KIAA1217: variants seen among roughly 807,000 people sequenced by gnomAD.
KIAA1217 encodes sickle tail protein homolog.
Under a neutral mutation model 163.9 loss-of-function variants are expected in KIAA1217, and 88 were observed. The ratio of observed to expected loss-of-function variants is 0.54; its 90% CI spans 0.45 to 0.64. The LOEUF (loss-of-function observed/expected upper bound fraction) is 0.64. Ranked by LOEUF, KIAA1217 falls within the 30% of genes least tolerant of loss-of-function variation. KIAA1217 has a pLI of 0.00. For synonymous variants in KIAA1217, 903 were observed against 923.1 expected, an observed-to-expected ratio of 0.98 and a Z score of 0.39; for missense variants, 2,372 against 2,475.0, an observed-to-expected ratio of 0.96 and a Z score of 0.88.
chr10:23,878,698 C>T (rs765825307), intron 1 of KIAA1217, among the ~76,000 whole-genome samples: 4 of 151,656 alleles, frequency 2.6e-5, no homozygotes, highest in South Asian at 2.1e-4. Context: ...AATATATGGG[C>T]GATGAATGGA....
intron 2 of KIAA1217, among the ~76,000 whole-genome samples, chr10:24,308,603 A>C (rs183477236): frequency 6.6e-6 from 1 of 152,332 alleles, no homozygotes; most frequent in East Asian, 1.9e-4. Context: ...TCTTTAAAGG[A>C]ACAAAGCCAT....
chr10:24,222,084 T>G (rs1210662746), intron 2 of KIAA1217, among the ~76,000 whole-genome samples: 4 of 152,214 alleles, frequency 2.6e-5, no homozygotes, highest in African/African-American at 9.6e-5. Context: ...TCTTCTTATT[T>G]GTAGTGTTAT....
intron 6 of KIAA1217, among the ~76,000 whole-genome samples, chr10:24,485,089 C>CTTTTTTTTTTTTT (rs71506835): frequency 7.1e-6 from 1 of 140,944 alleles, no homozygotes; most frequent in Non-Finnish European, 1.5e-5. Context: ...GACCTGCCCG[C>CTTTTTTTTTTTTT]TTTTTTTTTT....
chr10:24,080,245 G>T (rs560347705), intron 2 of KIAA1217, among the ~76,000 whole-genome samples: 1 of 152,340 alleles, frequency 6.6e-6, no homozygotes, highest in South Asian at 2.1e-4. Context: ...TGTTGGAGAT[G>T]GCTGCTGGCT....
intron 3 of KIAA1217, among the ~76,000 whole-genome samples, chr10:24,415,869 A>G (rs934680042): frequency 2.0e-5 from 3 of 152,022 alleles, no homozygotes; most frequent in African/African-American, 4.8e-5. Context: ...GAAGACACAG[A>G]CAAGGCTGCC....
At chr10:24,257,420 G>A (rs887057323) in intron 2 of KIAA1217, among the ~76,000 whole-genome samples, 5 of 152,118 alleles carry the variant, frequency 3.3e-5, no homozygotes, top group African/African-American at 7.2e-5. Context: ...TGGGGAGCCC[G>A]GATGAGATGT....
chr10:24,245,393 A>G (rs930828319), intron 2 of KIAA1217, among the ~76,000 whole-genome samples: 3 of 152,162 alleles, frequency 2.0e-5, no homozygotes, highest in African/African-American at 7.2e-5. Context: ...CCCATCAGAG[A>G]GAGGCTTCTG....
In KIAA1217 at chr10:24,290,102, G is replaced by A. The variant is rs564936532; in HGVS notation, c.354+70193G>A. Reference sequence around the variant, plus strand: ...AAGAGTCCTAGGAGATAAGGAGGCCGAAAAACCTGGAGACCAAAGAACCAG... The same window carrying A: ...AAGAGTCCTAGGAGATAAGGAGGCCAAAAAACCTGGAGACCAAAGAACCAG... On this transcript the variant is annotated intron_variant, in intron 2 of 20. Transcript: ENST00000376454. Among the ~76,000 whole-genome samples, 14 of 152,196 alleles carry A rather than the reference G, an allele frequency of 9.2e-5. No homozygotes were observed. In the East Asian group the frequency reaches 1.7e-3, roughly 19 times the overall value.
chr10:24,073,590 C>G (rs1388727595), intron 2 of KIAA1217, among the ~76,000 whole-genome samples: 1 of 152,198 alleles, frequency 6.6e-6, no homozygotes, highest in African/African-American at 2.4e-5. Flanking sequence ...TGGTCTTACT[C>G]TAGCTGCTAC....
At chr10:24,034,321 G>GC (rs1286802106) in intron 2 of KIAA1217, among the ~76,000 whole-genome samples, 2 of 152,082 alleles carry the variant, frequency 1.3e-5, no homozygotes, top group Non-Finnish European at 2.9e-5. Context: ...CACTTTGGGA[G>GC]CCCAAGGTGG....
intron 1 of KIAA1217, among the ~76,000 whole-genome samples, chr10:23,746,446 CAG>C (rs1448780139): frequency 3.3e-5 from 5 of 152,032 alleles, no homozygotes; most frequent in Admixed American, 2.6e-4. Context: ...TTTTTCGAGA[CAG>C]AGTCTTGCTC....
intron 8 of KIAA1217, among the ~76,000 whole-genome samples, chr10:24,500,225 T>C (rs1447497282): frequency 7.9e-6 from 1 of 126,218 alleles, no homozygotes; most frequent in Admixed American, 7.8e-5. Context: ...GTGTCTTTAT[T>C]AGTAACATGG....
At chr10:24,031,705 GGGT>G (rs1447870758) in intron 2 of KIAA1217, among the ~76,000 whole-genome samples, 6 of 145,156 alleles carry the variant, frequency 4.1e-5, no homozygotes, top group African/African-American at 1.7e-4. Flanking sequence ...GTGTGTGTGT[GGGT>G]GTGTCAATTC....
At chr10:24,424,524 C>G (rs1489593300) in intron 3 of KIAA1217, among the ~76,000 whole-genome samples, 1 of 152,178 alleles carries the variant, frequency 6.6e-6, no homozygotes, top group Non-Finnish European at 1.5e-5. Flanking sequence ...ATTAATGAAG[C>G]CATTTCTACC....
intron 1 of KIAA1217, among the ~76,000 whole-genome samples, chr10:23,738,682 C>T (rs990487894): frequency 2.0e-5 from 3 of 151,764 alleles, no homozygotes; most frequent in Admixed American, 6.6e-5. Flanking sequence ...AGATGATTTT[C>T]CTTTAAGCCA....
intron 6 of KIAA1217, among the ~76,000 whole-genome samples, chr10:24,484,405 C>A (rs1328308063): frequency 6.6e-6 from 1 of 150,958 alleles, no homozygotes; most frequent in Non-Finnish European, 1.5e-5. Context: ...CCACAGTAGC[C>A]CAGCTAATTT....
intron 1 of KIAA1217, among the ~76,000 whole-genome samples, chr10:23,783,655 T>A (rs1835359484): frequency 6.6e-6 from 1 of 152,138 alleles, no homozygotes; most frequent in Non-Finnish European, 1.5e-5. Context: ...TCTTTGAGTG[T>A]TTGGTAGAAT....
chr10:24,107,655 A>G (rs572923875), intron 2 of KIAA1217, among the ~76,000 whole-genome samples: 11 of 152,250 alleles, frequency 7.2e-5, no homozygotes, highest in African/African-American at 2.6e-4. Flanking sequence ...GCGTTTTTTC[A>G]TATGCTTGTT....
intron 2 of KIAA1217, among the ~76,000 whole-genome samples, chr10:24,242,435 T>C (rs995787326): frequency 2.0e-4 from 30 of 152,228 alleles, no homozygotes; most frequent in African/African-American, 6.8e-4. Context: ...TTCATTCTTT[T>C]TTATGGCTTT....
Sources: gnomAD v4.1 joint callset for allele counts (sites outside exome capture counted in the v4.1 genomes callset) on GRCh38, gnomAD v4.1.1 for gene constraint, MANE v1.5 for transcripts, NCBI Gene and HGNC (gene_info 2026-07-23, HGNC 2026-07-21) for gene names.